The following TULP4 variants were observed in gnomAD, a reference collection of about 807,000 sequenced individuals.
The protein encoded by TULP4 is tubby-related protein 4.
In TULP4, 16 loss-of-function variants were observed where a neutral mutation model predicts 129.0. The observed-to-expected ratio is 0.12, with a 90% CI of 0.08 to 0.19. TULP4 has a LOEUF of 0.19. Among genes scored for constraint, TULP4 ranks in the 10% least tolerant of loss-of-function variants. TULP4 has a pLI of 1.00. For missense variants in TULP4, 1,842 were observed against 2,059.1 expected, an observed-to-expected ratio of 0.89 and a Z score of 2.04; for synonymous variants, 998 against 854.0, an observed-to-expected ratio of 1.17 and a Z score of -2.94.
intron 6 of TULP4, among the ~76,000 whole-genome samples, chr6:158,467,936 T>G (rs1245724478): frequency 6.6e-6 from 1 of 152,152 alleles, no homozygotes; most frequent in Non-Finnish European, 1.5e-5. Flanking sequence ...ACTTGGTGAG[T>G]TATGTTGGGG....
intron 1 of TULP4, among the ~76,000 whole-genome samples, chr6:158,292,416 C>G (rs1304477799): frequency 6.6e-6 from 1 of 152,052 alleles, no homozygotes. Flanking sequence ...CCTGGCTTTC[C>G]CTTATGTTTA....
chr6:158,389,014 G>T (rs1777522753), intron 1 of TULP4, among the ~76,000 whole-genome samples: 2 of 152,230 alleles, frequency 1.3e-5, no homozygotes, highest in Admixed American at 1.3e-4. Context: ...TTTTGAAAAT[G>T]ACTGTCCCAA....
chr6:158,288,596 G>A (rs1163470705), intron 1 of TULP4, among the ~76,000 whole-genome samples: 2 of 151,948 alleles, frequency 1.3e-5, no homozygotes, highest in African/African-American at 4.8e-5. Flanking sequence ...CGCCTCCCGG[G>A]TTCACGCCAT....
intron 1 of TULP4, among the ~76,000 whole-genome samples, chr6:158,353,864 T>C (rs1780581727): frequency 2.0e-5 from 3 of 152,264 alleles, no homozygotes; most frequent in South Asian, 4.1e-4. Context: ...TTAGATTTTA[T>C]TGATGGAAGG....
chr6:158,387,886 A>G (rs995445028), intron 1 of TULP4, among the ~76,000 whole-genome samples: 1 of 152,176 alleles, frequency 6.6e-6, no homozygotes, highest in Admixed American at 6.5e-5. Context: ...TCCTCTCTTA[A>G]TTCAAGTGAA....
At chr6:158,285,628 C>T (rs748369936) in intron 1 of TULP4, among the ~76,000 whole-genome samples, 1 of 152,200 alleles carries the variant, frequency 6.6e-6, no homozygotes, top group Non-Finnish European at 1.5e-5. Context: ...AGCTCACAGC[C>T]GCTTCCATGT....
At chr6:158,251,892 A>G (rs552428144) in intron 1 of TULP4, among the ~76,000 whole-genome samples, 1 of 152,320 alleles carries the variant, frequency 6.6e-6, no homozygotes, top group Admixed American at 6.5e-5. Flanking sequence ...CTCAAAGAGG[A>G]AAGGTTTTAG....
chr6:158,453,263 C>T (rs549129319), intron 5 of TULP4, among the ~76,000 whole-genome samples: 206 of 151,968 alleles, frequency 1.4e-3, no homozygotes, highest in Admixed American at 3.0e-3. Flanking sequence ...GTCAGCAGTT[C>T]GAGACCAGCC....
At chr6:158,394,688 G>C (rs959528843) in intron 1 of TULP4, among the ~76,000 whole-genome samples, 47 of 149,368 alleles carry the variant, frequency 3.1e-4, no homozygotes, top group African/African-American at 1.0e-3. Flanking sequence ...TTGGGAGGCT[G>C]AGGCAGGAGA....
chr6:158,445,490 G>A (rs1779015394), intron 3 of TULP4, among the ~76,000 whole-genome samples: 1 of 152,230 alleles, frequency 6.6e-6, no homozygotes, highest in African/African-American at 2.4e-5. Flanking sequence ...GAGTCACTGA[G>A]TGAATGAGAA....
chr6:158,251,228 T>C (rs1778133727), intron 1 of TULP4, among the ~76,000 whole-genome samples: 1 of 152,252 alleles, frequency 6.6e-6, no homozygotes, highest in South Asian at 2.1e-4. Flanking sequence ...AGCATGGGTT[T>C]ATCTAATGTT....
intron 1 of TULP4, among the ~76,000 whole-genome samples, chr6:158,324,283 C>G (rs1237877580): frequency 6.6e-6 from 1 of 152,126 alleles, no homozygotes; most frequent in East Asian, 1.9e-4. Flanking sequence ...CTGACTATAG[C>G]CATAATTAAC....
At chr6:158,295,212 C>A in intron 1 of TULP4, among the ~76,000 whole-genome samples, 1 of 152,014 alleles carries the variant, frequency 6.6e-6, no homozygotes, top group Non-Finnish European at 1.5e-5. Flanking sequence ...AGAAATAGAA[C>A]TTTGTTCTGA....
chr6:158,502,309 C>T lies in TULP4; in HGVS notation c.2646C>T (p.Pro882=). The change falls in exon 13 of 14, where the codon CCC becomes CCT. Residue 882 remains proline (P), a synonymous_variant. Transcript: ENST00000367097. The part of the protein sequence containing the change: ...LYPTSVHYQT[P]LGYERITTFD... The stretch of plus-strand genomic sequence containing the variant: ...CCACGTCAGTGCACTACCAGACCCC[C>T]CTGGGCTATGAGAGGATCACCACCT... The T allele has an allele frequency of 6.2e-7, 1 of 1,613,588 alleles. No homozygotes were observed. The highest frequency in any genetic ancestry group is 8.5e-7 in the Non-Finnish European group (1 of 1,179,882).
In TULP4 at chr6:158,503,644, C is replaced by G; in HGVS notation, c.3981C>G (p.Pro1327=). 2 of 1,614,028 alleles carry G rather than the reference C, an allele frequency of 1.2e-6. No homozygotes were observed. The highest frequency in any genetic ancestry group is 1.7e-6 in the Non-Finnish European group (2 of 1,180,024). The change falls in exon 13 of 14, where the codon CCC becomes CCG. Residue 1327 remains proline, a synonymous_variant. Coordinates refer to ENST00000367097, the MANE Select transcript of TULP4 (RefSeq NM_020245.5). The surrounding 1 kb of genome is among the most constrained non-coding windows in gnomAD (Gnocchi z 4.3). ...TCTCCCTGACCGAAAGCCCAGTCCC[C>G]CAGCGGACAGAAAAATTTGGAAAGA... ...EVLSLTESPV[P]QRTEKFGKKN...
chr6:158,420,653 T>TG (rs889117144), intron 2 of TULP4, among the ~76,000 whole-genome samples: 5 of 79,728 alleles, frequency 6.3e-5, no homozygotes, highest in Non-Finnish European at 1.6e-4. Context: ...GGCTAATTTT[T>TG]GTTTTTTTTT....
intron 11 of TULP4, among the ~76,000 whole-genome samples, chr6:158,495,891 A>G (rs1301242618): frequency 2.0e-5 from 3 of 152,104 alleles, no homozygotes; most frequent in East Asian, 1.9e-4. Context: ...CTTGGTGGTA[A>G]ATTTTTCTGA....
rs1780634247 is a variant in TULP4, at chr6:158,507,564, A to G, written c.*870A>G. ...GAAGGTGAGAGACAAAAATGGAAAG[A>G]TCCTGGCCTGTGGTAGTGGTAGCAG... On this transcript the variant is annotated 3_prime_UTR_variant, in exon 14 of 14. Transcript: ENST00000367097. 6.6e-6 allele frequency: 1 copy of G among 152,230 alleles called. No homozygotes were observed. Among genetic ancestry groups the G allele is most frequent in the Admixed American group, 6.5e-5 (1 of 15,286 alleles). The allele number at this position is 152,230 out of a possible 1,614,324, so 9.4% of individuals were successfully genotyped here. A position where few individuals can be genotyped will look rare whatever the true frequency, so the allele number is the denominator to read the frequency against.
chr6:158,423,929 C>T lies in TULP4; in HGVS notation c.382-5807C>T, dbSNP rs149182810. Among the ~76,000 whole-genome samples the T allele has an allele frequency of 8.2e-3, 1,246 of 151,892 alleles. 14 individuals carry two copies. The highest frequency in any genetic ancestry group is 0.029 in the African/African-American group (1,191 of 41,384). ...TGCTGGGATTACAGGTGTGAGCCAC[C>T]GCGCCTGGCCAACTTCTTCTCTTTG... On this transcript the variant is annotated intron_variant, in intron 2 of 13. Transcript: ENST00000367097.
Sources: gnomAD v4.1 joint callset for allele counts (sites outside exome capture counted in the v4.1 genomes callset) on GRCh38, gnomAD v4.1.1 for gene constraint, Gnocchi (gnomAD v3.1) non-coding constraint, MANE v1.5 for transcripts, NCBI Gene and HGNC (gene_info 2026-07-23, HGNC 2026-07-21) for gene names.